The following MAN2A2 variants were observed in gnomAD, a reference collection of about 807,000 sequenced individuals.
The protein encoded by MAN2A2 is alpha-mannosidase 2x.
Under a neutral mutation model 126.8 loss-of-function variants are expected in MAN2A2, and 79 were observed. The observed-to-expected ratio is 0.62, with a 90% confidence interval of 0.52 to 0.75. The LOEUF is 0.75. Ranked by LOEUF, MAN2A2 falls within the 30% of genes least tolerant of loss-of-function variation. The probability of loss-of-function intolerance (pLI) is 0.00; values close to 1 mark genes in which losing one functional copy is unlikely to be tolerated. For missense variants in MAN2A2, 1,392 were observed against 1,522.4 expected (o/e 0.91, Z 1.43); for synonymous variants, 671 against 618.7 (o/e 1.08, Z -1.25).
chr15:90,910,044 A>T, intron 9 of MAN2A2, 46 bp from the exon 10 acceptor site: 2 of 1,540,968 alleles, frequency 1.3e-6, no homozygotes, highest in Non-Finnish European at 1.8e-6. Flanking sequence ...CACAATTTGC[A>T]GGAGGCTCTA....
At chr15:90,903,668 T>G in intron 1 of MAN2A2, 1 of 227,636 alleles carries the variant, frequency 4.4e-6, no homozygotes, top group Non-Finnish European at 8.9e-6. Context: ...ACAAGCATCT[T>G]TCTTCTTTAT....
Position 90,912,051 on chromosome 15 carries a change from G to C in MAN2A2, c.2118G>C (p.Val706=), listed in dbSNP as rs768558257. Residue 706 remains valine (V), a synonymous_variant, in exon 15 of 23, where the codon GTG becomes GTC. Coordinates refer to ENST00000559717, the MANE Select transcript of MAN2A2 (RefSeq NM_006122.4). The part of the protein sequence containing the change: ...EAVPDVYQVS[V]PVRLPALGLG... ...CCCTCCTGTGCCCACAGGTGTCTGT[G>C]CCTGTCCGCCTGCCAGCCCTGGGCC... 11 of 1,611,626 alleles carry C rather than the reference G, an allele frequency of 6.8e-6. No homozygotes were observed. The highest frequency in any genetic ancestry group is 1.7e-5 in the Admixed American group (1 of 59,966).
rs773084520 is a variant in MAN2A2 at position 90,905,593 on chromosome 15, G to A, written c.405G>A (p.Ser135=). The change falls in exon 4 of 23, where the codon TCG becomes TCA. Residue 135 remains serine (S), a synonymous_variant. Transcript: ENST00000559717. The stretch of plus-strand genomic sequence containing the variant: ...TCACCTGGCAGATGCTCACTGTGTC[G>A]GAGGAGCTGCCGTTTGACAACGTGG... ...QKPELQMLTV[S]EELPFDNVDG... 96 of 1,614,070 alleles carry A rather than the reference G, an allele frequency of 5.9e-5. No individual in the cohort carries two copies. The highest frequency in any genetic ancestry group is 9.9e-5 in the South Asian group (9 of 91,086).
At position 90,920,305 on chromosome 15, in the gene MAN2A2, G is replaced by C. The variant is rs1183030751; in HGVS notation, c.*518G>C. 6.5e-6 allele frequency: 1 copy of C among 154,274 alleles called. No individual in the cohort carries two copies. The allele number at this position is 154,274 out of a possible 1,614,324, so 9.6% of individuals were successfully genotyped here. On this transcript the variant is annotated 3_prime_UTR_variant, in exon 23 of 23. Transcript: ENST00000559717. ...GGGTGGGGACCCAGAGTTAGCAGTG[G>C]GGATGGAGCAGTAGAAGGAATCACT...
intron 19 of MAN2A2, among the ~76,000 whole-genome samples, chr15:90,914,803 C>A (rs1330529999): frequency 6.6e-6 from 1 of 152,202 alleles, no homozygotes; most frequent in African/African-American, 2.4e-5. Context: ...TAGGTGTGAG[C>A]CAACACGCCC....
chr15:90,912,983 A>T lies in MAN2A2; in HGVS notation c.2576A>T (p.Asn859Ile). 6.2e-7 allele frequency: 1 copy of T among 1,613,258 alleles called. No individual in the cohort carries two copies. Among genetic ancestry groups the T allele is most frequent in the South Asian group, 1.1e-5 (1 of 91,052 alleles). ...EHIHQAVRLY[N>I]LPGVEGLSLD... ...ATTCACCAGGCGGTCCGGCTTTACAATCTGCCAGGTGAGCCCTGCATATGA... is the reference window on the plus strand; with the variant it reads ...ATTCACCAGGCGGTCCGGCTTTACATTCTGCCAGGTGAGCCCTGCATATGA... Residue 859 changes from asparagine to isoleucine, a missense_variant, in exon 17 of 23, where the codon AAT becomes ATT. Transcript: ENST00000559717.
Position 90,922,311 on chromosome 15 carries a change from C to T in MAN2A2, c.*2524C>T, listed in dbSNP as rs2035578223. On this transcript the variant is annotated 3_prime_UTR_variant, in exon 23 of 23. Transcript: ENST00000559717. ...AGAGGGCTGAGTTCTTCCAGGTCAT[C>T]AGAGTTGTTGCTGCCCGTATTAGGC... The T allele has an allele frequency of 6.6e-6, 1 of 152,196 alleles. No individual in the cohort carries two copies. Among genetic ancestry groups the T allele is most frequent in the Admixed American group, 6.5e-5 (1 of 15,272 alleles). The allele number at this position is 152,196 out of a possible 1,614,324, so 9.4% of individuals were successfully genotyped here.
intron 20 of MAN2A2, chr15:90,917,842 T>C (rs2035304098): frequency 4.6e-6 from 1 of 216,966 alleles, no homozygotes; most frequent in South Asian, 9.4e-5. Flanking sequence ...CCGTGCTCCA[T>C]GGTGAGGCCT....
rs775727536 is a variant in MAN2A2 at position 90,907,322 on chromosome 15, C to G, written c.1023C>G (p.Ser341Arg). 1.2e-6 allele frequency: 2 copies of G among 1,613,898 alleles called. No individual in the cohort carries two copies. The highest frequency in any genetic ancestry group is 3.3e-5 in the Admixed American group (2 of 60,034). Reference protein sequence around the residue: ...MWRQTWDSDSSTDIFCHMMPF... With the variant: ...MWRQTWDSDSRTDIFCHMMPF... ...TGTCTCCTGCAGACTCGGACTCCAG[C>G]ACAGACATCTTCTGTCACATGATGC... The change falls in exon 8 of 23, where the codon AGC becomes AGG. Residue 341 changes from serine (S) to arginine (R), a missense_variant. Transcript: ENST00000559717.
chr15:90,909,572 G>T, intron 9 of MAN2A2, 68 bp downstream of exon 9: 1 of 1,469,134 alleles, frequency 6.8e-7, no homozygotes, highest in Non-Finnish European at 9.1e-7. Flanking sequence ...GTGAGACCGT[G>T]CCCTGGGTTC....
rs10532338 is a variant in MAN2A2 at position 90,908,584 on chromosome 15, A to AT, written c.1197-728dup. Among the ~76,000 whole-genome samples, 1,309 of 144,658 alleles carry AT rather than the reference A, an allele frequency of 9.0e-3. 18 individuals carry two copies. Among genetic ancestry groups the AT allele is most frequent in the African/African-American group, 0.027 (1,074 of 39,196 alleles). 94.9% of individuals were successfully genotyped at this position (144,658 alleles called of 152,430 possible). A position where few individuals can be genotyped will look rare whatever the true frequency, so the allele number is the denominator to read the frequency against. On this transcript the variant is annotated intron_variant, in intron 8 of 22. Transcript: ENST00000559717. ...GATTTTATTTTATTTATTTAATTTA[A>AT]TTTTTTTTTTTTTTTGAGATGGAGT...
chr15:90,906,230 G>A (rs1377224920), intron 5 of MAN2A2, 140 bp from the exon 6 acceptor site: 4 of 1,306,014 alleles, frequency 3.1e-6, no homozygotes, highest in Non-Finnish European at 4.3e-6. Flanking sequence ...AAGGAAAGGA[G>A]GGCAAGTGTG....
chr15:90,918,452 T>C, intron 21 of MAN2A2, 64 bp downstream of exon 21: 4 of 1,532,076 alleles, frequency 2.6e-6, no homozygotes, highest in Non-Finnish European at 3.6e-6. Context: ...CCTGCTCAGC[T>C]CCTTCCTTAG....
chr15:90,904,189 G>GGT lies in MAN2A2; in HGVS notation c.-11_-10dup. 6.2e-7 allele frequency: 1 copy of GGT among 1,614,160 alleles called. No individual in the cohort carries two copies. The highest frequency in any genetic ancestry group is 8.5e-7 in the Non-Finnish European group (1 of 1,180,002). Reference sequence around the variant, plus strand: ...GCTACAGATGGTGTCCTTCCTGCCAGGTGTGTGTGGAGGCCAGTATGAAGC... The same window carrying GGT: ...GCTACAGATGGTGTCCTTCCTGCCAGGTGTGTGTGTGGAGGCCAGTATGAAGC... On this transcript the variant is annotated splice_region_variant and 5_prime_UTR_variant. Transcript: ENST00000559717.
chr15:90,918,111 C>G, intron 20 of MAN2A2, 83 bp from the exon 21 acceptor site: 1 of 1,330,002 alleles, frequency 7.5e-7, no homozygotes, highest in Non-Finnish European at 1.1e-6. Context: ...AAACAACTGA[C>G]CTGGGTGTGC....
Position 90,905,729 on chromosome 15 carries a change from G to T in MAN2A2, c.535+6G>T, listed in dbSNP as rs2034226070. On this transcript the variant is annotated splice_donor_region_variant and intron_variant, in intron 4 of 22. Transcript: ENST00000559717. ...CCACTCTCACAATGACCCAGGTGAG[G>T]GCCCTGCAGACTCCTGGGAGCTGGA... 6.2e-7 allele frequency: 1 copy of T among 1,613,630 alleles called. No homozygotes were observed. The highest frequency in any genetic ancestry group is 1.3e-5 in the African/African-American group (1 of 74,928).
chr15:90,912,735 T>C (rs2034855289), intron 16 of MAN2A2, 71 bp downstream of exon 16: 30 of 1,601,524 alleles, frequency 1.9e-5, no homozygotes, highest in Non-Finnish European at 2.6e-5. Context: ...CACAGGTTTA[T>C]TGCTGCCTGC....
In MAN2A2 at chr15:90,907,454, G is replaced by C. The variant is rs558217456; in HGVS notation, c.1155G>C (p.Lys385Asn). 1 of 1,613,678 alleles carries C rather than the reference G, an allele frequency of 6.2e-7. No homozygotes were observed. Among genetic ancestry groups the C allele is most frequent in the South Asian group, 1.1e-5 (1 of 91,092 alleles). The change falls in exon 8 of 23, where the codon AAG becomes AAC. Residue 385 changes from lysine (K) to asparagine (N), a missense_variant. Lys to Asn is a moderately conservative substitution (Grantham distance 94). Transcript: ENST00000559717. ...LPGGRINCPWKVPPRAITEAN... is the reference protein window; with the variant it reads ...LPGGRINCPWNVPPRAITEAN... The stretch of plus-strand genomic sequence containing the variant: ...GTGGGCGCATCAACTGCCCTTGGAA[G>C]GTGCCACCCCGGGCCATCACAGAGG...
chr15:90,905,785 A>G (rs2072078), intron 4 of MAN2A2, 60 bp from the exon 5 acceptor site: 468,260 of 1,599,566 alleles, frequency 0.29, 71,095 homozygotes, highest in East Asian at 0.58. Flanking sequence ...TGGCCAATAC[A>G]AGGGAGGGAC....
Sources: allele counts gnomAD v4.1 joint callset (sites outside exome capture counted in the v4.1 genomes callset), GRCh38; gene constraint gnomAD v4.1.1; transcripts MANE v1.5; gene names NCBI Gene and HGNC (gene_info 2026-07-23, HGNC 2026-07-21).